CCDC148: variants seen among roughly 807,000 people sequenced by gnomAD.
CCDC148 encodes coiled-coil domain-containing protein 148.
CCDC148 carries 89 observed loss-of-function variants against 85.7 expected under a neutral mutation model. The ratio of observed to expected loss-of-function variants is 1.04; its 90% CI spans 0.87 to 1.24. CCDC148 has a LOEUF of 1.24. Among genes scored for constraint, CCDC148 ranks in the 50% most tolerant of loss-of-function variants. The pLI, the probability that CCDC148 is intolerant of heterozygous loss-of-function variation, is 0.00. For synonymous variants in CCDC148, 230 were observed against 213.9 expected (o/e 1.08, Z -0.66); for missense variants, 692 against 671.7 (o/e 1.03, Z -0.33).
At chr2:158,236,520 T>C (rs748464502) in intron 10 of CCDC148, among the ~76,000 whole-genome samples, 10 of 152,188 alleles carry the variant, frequency 6.6e-5, no homozygotes, top group Non-Finnish European at 1.3e-4. Context: ...GTATATAGAC[T>C]AAGGATGTTG....
chr2:158,228,325 C>T (rs1255486066), intron 10 of CCDC148, among the ~76,000 whole-genome samples: 4 of 152,006 alleles, frequency 2.6e-5, no homozygotes, highest in South Asian at 2.1e-4. Context: ...CTGGAGAGGA[C>T]ATGGAGAAAT....
intron 1 of CCDC148, among the ~76,000 whole-genome samples, chr2:158,383,903 G>C (rs1466914980): frequency 6.6e-6 from 1 of 152,152 alleles, no homozygotes; most frequent in African/African-American, 2.4e-5. Flanking sequence ...TTTGAACCAA[G>C]CACTGCATAT....
At chr2:158,412,172 G>T (rs1686290841) in intron 1 of CCDC148, among the ~76,000 whole-genome samples, 1 of 152,170 alleles carries the variant, frequency 6.6e-6, no homozygotes, top group Non-Finnish European at 1.5e-5. Flanking sequence ...TTTCAGCCAA[G>T]GAGACTCTTT....
chr2:158,338,657 T>C (rs1297872914), intron 7 of CCDC148, 69 bp downstream of exon 7: 12 of 1,117,812 alleles, frequency 1.1e-5, no homozygotes, highest in African/African-American at 3.2e-5. Flanking sequence ...GTTGGAAGTA[T>C]AGTGATCCCA....
chr2:158,409,642 T>A (rs1026578231), intron 1 of CCDC148, among the ~76,000 whole-genome samples: 20 of 152,232 alleles, frequency 1.3e-4, no homozygotes, highest in Non-Finnish European at 1.8e-4. Context: ...CAGATAAGAC[T>A]TTGAACTGTG....
At chr2:158,278,517 C>T (rs1023149015) in intron 9 of CCDC148, among the ~76,000 whole-genome samples, 15 of 152,200 alleles carry the variant, frequency 9.9e-5, no homozygotes, top group African/African-American at 2.9e-4. Flanking sequence ...TGGAGTCTCA[C>T]GGATTGCTAG....
Position 158,456,745 on chromosome 2 carries a change from G to A in CCDC148, c.-306C>T, listed in dbSNP as rs1688780507. 1 of 390,516 alleles carries A rather than the reference G, an allele frequency of 2.6e-6. No homozygotes were observed. Among genetic ancestry groups the A allele is most frequent in the African/African-American group, 2.0e-5 (1 of 48,868 alleles). The allele number at this position is 390,516 out of a possible 1,614,324, so 24.2% of individuals were successfully genotyped here. A position where few individuals can be genotyped will look rare whatever the true frequency, so the allele number is the denominator to read the frequency against. ...AGGCCCTCTCGCGCTGAACAGCATC[G>A]GTCTCTATGGCGACCTGAAACCGCA... On this transcript the variant is annotated 5_prime_UTR_variant, in exon 1 of 14. Coordinates refer to ENST00000283233, the MANE Select transcript of CCDC148 (RefSeq NM_138803.4).
intron 9 of CCDC148, among the ~76,000 whole-genome samples, chr2:158,273,267 A>G (rs529840750): frequency 6.6e-6 from 1 of 152,334 alleles, no homozygotes; most frequent in South Asian, 2.1e-4. Context: ...TGCAGGCATG[A>G]TATATAGGGA....
chr2:158,264,037 A>G (rs550047256), intron 9 of CCDC148, among the ~76,000 whole-genome samples: 1 of 152,108 alleles, frequency 6.6e-6, no homozygotes, highest in South Asian at 2.1e-4. Context: ...AGAACCCTCA[A>G]GAGAACTGCT....
At chr2:158,393,667 T>C (rs909736637) in intron 1 of CCDC148, among the ~76,000 whole-genome samples, 2 of 152,104 alleles carry the variant, frequency 1.3e-5, no homozygotes, top group African/African-American at 4.8e-5. Flanking sequence ...AGAACACCGA[T>C]GGCTTCAATT....
chr2:158,238,454 C>G (rs1378078760), intron 10 of CCDC148, among the ~76,000 whole-genome samples: 3 of 152,062 alleles, frequency 2.0e-5, no homozygotes, highest in Non-Finnish European at 4.4e-5. Flanking sequence ...AGAAATCACA[C>G]CAAAATCATT....
chr2:158,335,803 A>G (rs976586949), intron 7 of CCDC148, among the ~76,000 whole-genome samples: 3 of 152,120 alleles, frequency 2.0e-5, no homozygotes, highest in African/African-American at 7.2e-5. Flanking sequence ...TCTCCTGAGG[A>G]TTAGACCTCC....
At chr2:158,301,388 A>G (rs1691434554) in intron 9 of CCDC148, among the ~76,000 whole-genome samples, 1 of 152,254 alleles carries the variant, frequency 6.6e-6, no homozygotes, top group African/African-American at 2.4e-5. Context: ...AATTTACCAC[A>G]GGAAAATGAG....
chr2:158,223,128 G>A (rs530349416), intron 10 of CCDC148, among the ~76,000 whole-genome samples: 18 of 152,148 alleles, frequency 1.2e-4, no homozygotes, highest in Admixed American at 2.6e-4. Flanking sequence ...CTAATACTGC[G>A]CTTTCCCAAA....
chr2:158,368,992 T>C (rs1158891879), intron 1 of CCDC148, among the ~76,000 whole-genome samples: 1 of 152,078 alleles, frequency 6.6e-6, no homozygotes, highest in Non-Finnish European at 1.5e-5. Flanking sequence ...AGGGTTAAGG[T>C]TGTACTACAT....
At chr2:158,447,732 T>C (rs1165934826) in intron 1 of CCDC148, among the ~76,000 whole-genome samples, 1 of 152,230 alleles carries the variant, frequency 6.6e-6, no homozygotes, top group Non-Finnish European at 1.5e-5. Context: ...ATTTTATTTT[T>C]AATTGAATTG....
At chr2:158,409,049 G>T (rs1686144908) in intron 1 of CCDC148, among the ~76,000 whole-genome samples, 2 of 151,986 alleles carry the variant, frequency 1.3e-5, no homozygotes, top group South Asian at 4.2e-4. Context: ...GAGTTGAGTT[G>T]TTTGAATTTT....
intron 1 of CCDC148, among the ~76,000 whole-genome samples, chr2:158,431,872 A>T (rs931982883): frequency 2.0e-5 from 3 of 152,086 alleles, no homozygotes; most frequent in African/African-American, 7.2e-5. Context: ...TGGGAGATGG[A>T]GGTTGCATGA....
Position 158,372,839 on chromosome 2 carries a change from T to C in CCDC148, c.26-14269A>G, listed in dbSNP as rs779688666. Among the ~76,000 whole-genome samples the C allele has an allele frequency of 2.0e-4, 30 of 152,146 alleles. No individual in the cohort carries two copies. The Middle Eastern group carries it at 0.014, about 69-fold the overall frequency. Reference sequence around the variant, plus strand: ...AACTCTTGACTCTCTAACCCCTTCATTACCTATTACCTTATTTGTACTTTA... The same window carrying C: ...AACTCTTGACTCTCTAACCCCTTCACTACCTATTACCTTATTTGTACTTTA... On this transcript the variant is annotated intron_variant, in intron 1 of 13. Transcript: ENST00000283233.
Sources: allele counts gnomAD v4.1 joint callset (sites outside exome capture counted in the v4.1 genomes callset), GRCh38; gene constraint gnomAD v4.1.1; transcripts MANE v1.5; gene names NCBI Gene and HGNC (gene_info 2026-07-23, HGNC 2026-07-21).